The following ACACA variants were observed in gnomAD, a reference collection of about 807,000 sequenced individuals.
ACACA encodes acetyl-CoA carboxylase 1.
A neutral mutation model predicts 296.1 loss-of-function variants in ACACA; 103 were observed. The ratio of observed to expected loss-of-function variants is 0.35; its 90% CI spans 0.30 to 0.41. ACACA has a LOEUF of 0.41. Ranked by LOEUF, ACACA falls within the 10% of genes least tolerant of loss-of-function variation. ACACA has a pLI of 1.00. For missense variants in ACACA, 1,554 were observed against 2,989.7 expected (o/e 0.52, Z 11.20); for synonymous variants, 953 against 1,038.6 (o/e 0.92, Z 1.58).
At chr17:37,389,338 C>G (rs765041788) in intron 1 of ACACA, 41 of 1,590,920 alleles carry the variant, frequency 2.6e-5, no homozygotes, top group Non-Finnish European at 3.3e-5. Context: ...CAGCTGAATC[C>G]AAGCCTGACT....
At chr17:37,277,209 G>T in intron 6 of ACACA, 95 bp from the exon 7 acceptor site, 1 of 1,093,386 alleles carries the variant, frequency 9.1e-7, no homozygotes, top group Non-Finnish European at 1.4e-6. Context: ...GTTTCTTGAG[G>T]TACAGTAGTT....
chr17:37,290,939 G>A (rs551806115), intron 3 of ACACA, among the ~76,000 whole-genome samples: 5 of 151,790 alleles, frequency 3.3e-5, no homozygotes, highest in South Asian at 2.1e-4. Flanking sequence ...AAAATTAGTC[G>A]GGCGTGGTGG....
intron 3 of ACACA, among the ~76,000 whole-genome samples, chr17:37,307,938 T>C (rs1476647438): frequency 8.8e-6 from 1 of 113,642 alleles, no homozygotes; most frequent in Non-Finnish European, 1.6e-5. Context: ...GCAACTGATA[T>C]AACAAGTAGA....
chr17:37,090,283 C>G (rs1225738664), intron 54 of ACACA, among the ~76,000 whole-genome samples: 1 of 152,188 alleles, frequency 6.6e-6, no homozygotes, highest in East Asian at 1.9e-4. Context: ...ACTGTCACTT[C>G]CTGTCTCTAA....
At chr17:37,343,633 C>T (rs62071184) in intron 1 of ACACA, among the ~76,000 whole-genome samples, 3,062 of 151,954 alleles carry the variant, frequency 0.02, 57 homozygotes, top group Non-Finnish European at 0.029. Flanking sequence ...GGCCTGGTGG[C>T]GGGTGCCTGT....
At chr17:37,365,643 C>G (rs902551659) in intron 1 of ACACA, 10 of 985,282 alleles carry the variant, frequency 1.0e-5, no homozygotes, top group African/African-American at 1.7e-5. Flanking sequence ...TACTATGTCT[C>G]TTTGCTCTTG....
chr17:37,202,374 C>T (rs989245659), intron 33 of ACACA, among the ~76,000 whole-genome samples: 2 of 152,038 alleles, frequency 1.3e-5, no homozygotes, highest in African/African-American at 4.8e-5. Flanking sequence ...ACAGCTATTA[C>T]CCAGCGATTA....
intron 45 of ACACA, among the ~76,000 whole-genome samples, chr17:37,143,280 C>T (rs904463366): frequency 7.5e-5 from 11 of 147,182 alleles, no homozygotes; most frequent in African/African-American, 2.6e-4. Context: ...AAAACAGCTG[C>T]AACTTTTTTT....
At chr17:37,202,659 CT>C (rs1238830232) in intron 33 of ACACA, among the ~76,000 whole-genome samples, 2 of 101,558 alleles carry the variant, frequency 2.0e-5, no homozygotes, top group African/African-American at 7.0e-5. Context: ...CTTTTCTTTC[CT>C]TTTCTTTCAT....
intron 54 of ACACA, among the ~76,000 whole-genome samples, chr17:37,094,482 C>T (rs1400838832): frequency 6.6e-6 from 1 of 151,886 alleles, no homozygotes; most frequent in African/African-American, 2.4e-5. Flanking sequence ...ATTAGAGGGT[C>T]ACTTCCTGGT....
At chr17:37,155,337 A>G (rs991061410) in intron 43 of ACACA, among the ~76,000 whole-genome samples, 1 of 152,188 alleles carries the variant, frequency 6.6e-6, no homozygotes, top group Admixed American at 6.5e-5. Context: ...TTATAATCTC[A>G]ATCACATAGA....
intron 3 of ACACA, 145 bp from the exon 4 acceptor site, chr17:37,285,115 G>T (rs2082707937): frequency 7.8e-6 from 7 of 902,696 alleles, no homozygotes; most frequent in Admixed American, 2.5e-5. Flanking sequence ...ATAAAAGAGA[G>T]AAAAGAAAAT....
chr17:37,388,140 T>G (rs1345182592), intron 1 of ACACA, among the ~76,000 whole-genome samples: 3 of 152,078 alleles, frequency 2.0e-5, no homozygotes. Flanking sequence ...ATGCCAGTCT[T>G]GAGTGCCAGA....
intron 10 of ACACA, among the ~76,000 whole-genome samples, chr17:37,266,174 G>T (rs1407329578): frequency 6.6e-6 from 1 of 152,144 alleles, no homozygotes; most frequent in African/African-American, 2.4e-5. Context: ...AGCACTTTGG[G>T]AGGCCAAGGT....
intron 1 of ACACA, among the ~76,000 whole-genome samples, chr17:37,394,173 C>A (rs1019029118): frequency 1.3e-5 from 2 of 151,954 alleles, no homozygotes; most frequent in Non-Finnish European, 2.9e-5. Context: ...TGTGGAAGTG[C>A]CAATTATTCC....
At chr17:37,352,998 T>C (rs1030738391) in intron 1 of ACACA, among the ~76,000 whole-genome samples, 2 of 152,164 alleles carry the variant, frequency 1.3e-5, no homozygotes, top group African/African-American at 2.4e-5. Flanking sequence ...GTGCCTATCG[T>C]TGGAAACTTT....
chr17:37,192,246 C>T lies in ACACA; in HGVS notation c.4260G>A (p.Leu1420=), dbSNP rs1212147136. 1.9e-6 allele frequency: 3 copies of T among 1,613,974 alleles called. No homozygotes were observed. In the African/African-American group the frequency reaches 4.0e-5, roughly 22 times the overall value. The stretch of plus-strand genomic sequence containing the variant: ...TGAGGTCAAAATTTCTCATCCGGTT[C>T]AGCTCTAACTGGAAAGCCAGAGCAG... ...LEPALAFQLE[L]NRMRNFDLTA... is the part of the protein sequence containing the mutation. The change falls in exon 37 of 56, where the codon CTG becomes CTA. Residue 1420 remains leucine (L), a synonymous_variant. Transcript: ENST00000616317.
At chr17:37,290,427 C>T (rs2082991258) in intron 3 of ACACA, among the ~76,000 whole-genome samples, 2 of 152,134 alleles carry the variant, frequency 1.3e-5, no homozygotes, top group South Asian at 2.1e-4. Flanking sequence ...TCTGAGTACT[C>T]GCTATGGGAC....
chr17:37,241,560 C>T (rs1009548002), intron 23 of ACACA, among the ~76,000 whole-genome samples: 1 of 151,908 alleles, frequency 6.6e-6, no homozygotes, highest in Non-Finnish European at 1.5e-5. Context: ...CAAAAATTAG[C>T]TGGATGTGGT....
Sources: gnomAD v4.1 joint callset for allele counts (sites outside exome capture counted in the v4.1 genomes callset) on GRCh38, gnomAD v4.1.1 for gene constraint, MANE v1.5 for transcripts, NCBI Gene and HGNC (gene_info 2026-07-23, HGNC 2026-07-21) for gene names.